LRRC63: variants seen among roughly 807,000 people sequenced by gnomAD.
LRRC63 encodes leucine-rich repeat-containing protein 63.
In LRRC63, 40 loss-of-function variants were observed where a neutral mutation model predicts 49.5. The observed-to-expected ratio is 0.81, with a 90% CI of 0.63 to 1.05. The LOEUF is 1.05. Ranked by LOEUF, LRRC63 falls within the 50% of genes least tolerant of loss-of-function variation. The pLI is 0.00. For synonymous variants in LRRC63, 191 were observed against 221.1 expected, an observed-to-expected ratio of 0.86 and a Z score of 1.21; for missense variants, 636 against 663.1, an observed-to-expected ratio of 0.96 and a Z score of 0.45.
At chr13:46,221,018 C>T (rs1049171612) in intron 2 of LRRC63, among the ~76,000 whole-genome samples, 5 of 152,168 alleles carry the variant, frequency 3.3e-5, no homozygotes, top group Non-Finnish European at 7.3e-5. Context: ...TACTCCTACG[C>T]ACCACTTATT....
Position 46,228,685 on chromosome 13 carries a change from G to A in LRRC63, c.784G>A (p.Gly262Arg), listed in dbSNP as rs571306533. The change falls in exon 4 of 10, where the codon GGA (glycine) becomes AGA (arginine). Residue 262 changes from glycine to arginine, a missense_variant. Transcript: ENST00000595396. Reference sequence around the variant, plus strand: ...TCTAGAAACTCTTGTAACAGAAAATGGAAATATAGAAAGTGTCCCAAAGCA... The same window carrying A: ...TCTAGAAACTCTTGTAACAGAAAATAGAAATATAGAAAGTGTCCCAAAGCA... 282 of 1,544,066 alleles carry A rather than the reference G, an allele frequency of 1.8e-4. 4 individuals are homozygous for A. In the South Asian group the frequency reaches 3.2e-3, roughly 18 times the overall value.
At chr13:46,212,190 T>A (rs993960087) in exon 1 of LRRC63, 8 of 152,198 alleles carry the variant, frequency 5.3e-5, no homozygotes, top group African/African-American at 1.7e-4. Flanking sequence ...GAAGGGAGAT[T>A]TCCAGCATCG....
At chr13:46,259,218 C>T (rs1329726078) in intron 7 of LRRC63, among the ~76,000 whole-genome samples, 3 of 152,072 alleles carry the variant, frequency 2.0e-5, no homozygotes, top group Admixed American at 2.0e-4. Flanking sequence ...TTTCAACTCT[C>T]TTATAAAATG....
At chr13:46,273,619 A>AAT (rs2047790201) in intron 9 of LRRC63, among the ~76,000 whole-genome samples, 1 of 150,222 alleles carries the variant, frequency 6.7e-6, no homozygotes, top group Non-Finnish European at 1.5e-5. Context: ...AAAAAAAAAA[A>AAT]AGAGTAGCGG....
chr13:46,221,491 A>T (rs2046406389), intron 2 of LRRC63, among the ~76,000 whole-genome samples: 1 of 152,238 alleles, frequency 6.6e-6, no homozygotes, highest in South Asian at 2.1e-4. Context: ...TTCAGCGAAA[A>T]CATGGTATGA....
intron 9 of LRRC63, among the ~76,000 whole-genome samples, chr13:46,271,627 A>G (rs2047759589): frequency 2.6e-5 from 4 of 152,144 alleles, no homozygotes; most frequent in African/African-American, 9.7e-5. Flanking sequence ...TCAGTCTCAC[A>G]TACTCTAGTT....
At chr13:46,259,326 G>A (rs5001900) in intron 7 of LRRC63, among the ~76,000 whole-genome samples, 34,523 of 151,962 alleles carry the variant, frequency 0.23, 4,620 homozygotes, top group East Asian at 0.35. Context: ...GAGGTGGGGT[G>A]AAGGACAGAG....
At chr13:46,240,561 A>G (rs886591769) in intron 5 of LRRC63, among the ~76,000 whole-genome samples, 1 of 152,206 alleles carries the variant, frequency 6.6e-6, no homozygotes, top group Admixed American at 6.5e-5. Context: ...TGCAAATGGC[A>G]TGATCCCATG....
chr13:46,240,902 A>G (rs1346350585), intron 5 of LRRC63, among the ~76,000 whole-genome samples: 1 of 152,256 alleles, frequency 6.6e-6, no homozygotes, highest in East Asian at 1.9e-4. Context: ...TAAAATGGCC[A>G]TACTGACGAA....
intron 7 of LRRC63, among the ~76,000 whole-genome samples, chr13:46,256,023 T>A (rs1405624974): frequency 6.6e-6 from 1 of 152,216 alleles, no homozygotes; most frequent in Non-Finnish European, 1.5e-5. Flanking sequence ...TCACCCATGT[T>A]GTATATATCA....
chr13:46,220,216 T>TCC (rs2046365018), intron 2 of LRRC63, among the ~76,000 whole-genome samples: 1 of 152,130 alleles, frequency 6.6e-6, no homozygotes, highest in African/African-American at 2.4e-5. Context: ...GGCCGCCTCT[T>TCC]CCCCCAGGTG....
intron 2 of LRRC63, among the ~76,000 whole-genome samples, chr13:46,213,720 TATTA>T (rs756993195): frequency 1.3e-4 from 20 of 152,210 alleles, no homozygotes; most frequent in Non-Finnish European, 2.4e-4. Context: ...TGTTTATATT[TATTA>T]AAGTGTCTTT....
intron 9 of LRRC63, among the ~76,000 whole-genome samples, chr13:46,275,078 C>T (rs1489507603): frequency 3.3e-5 from 5 of 152,068 alleles, no homozygotes; most frequent in African/African-American, 9.7e-5. Flanking sequence ...ACATGAGTGC[C>T]GTTCTGTGCC....
exon 3 of LRRC63, chr13:46,227,974 A>G: frequency 6.4e-7 from 1 of 1,550,952 alleles, no homozygotes; most frequent in Non-Finnish European, 8.7e-7. Context: ...CCTTTACCAG[A>G]GAGTCCAGGC....
At chr13:46,262,644 C>T (rs1167038506) in intron 8 of LRRC63, among the ~76,000 whole-genome samples, 1 of 151,914 alleles carries the variant, frequency 6.6e-6, no homozygotes, top group Non-Finnish European at 1.5e-5. Flanking sequence ...TACTCTAAAA[C>T]TTTTTTTTCA....
chr13:46,217,072 T>C lies in LRRC63; in HGVS notation c.85+3953T>C, dbSNP rs559480114. Among the ~76,000 whole-genome samples the C allele has an allele frequency of 3.3e-5, 5 of 151,840 alleles. No individual in the cohort carries two copies. In the East Asian group the frequency reaches 9.7e-4, roughly 29 times the overall value. On this transcript the variant is annotated intron_variant, in intron 2 of 9. Coordinates refer to ENST00000595396, the Ensembl canonical transcript of LRRC63. Reference sequence around the variant, plus strand: ...AGGGATATTGGCCTGAAATTTTCCTTTTTCTGTTGTGTCTCTGCCAGGTTT... The same window carrying C: ...AGGGATATTGGCCTGAAATTTTCCTCTTTCTGTTGTGTCTCTGCCAGGTTT...
At chr13:46,243,787 C>A (rs1234617) in intron 5 of LRRC63, among the ~76,000 whole-genome samples, 79,621 of 152,082 alleles carry the variant, frequency 0.52, 24,597 homozygotes, top group African/African-American at 0.85. Context: ...CTTGGTTATA[C>A]GCTTTAAAGA....
chr13:46,264,277 T>G (rs1335158935), intron 8 of LRRC63, among the ~76,000 whole-genome samples: 2 of 152,238 alleles, frequency 1.3e-5, no homozygotes, highest in Non-Finnish European at 2.9e-5. Context: ...CAGCTCAAAC[T>G]TCTCTTTTCT....
chr13:46,212,383 C>T (rs1382926521), intron 1 of LRRC63, 124 bp downstream of exon 1: 1 of 152,198 alleles, frequency 6.6e-6, no homozygotes, highest in East Asian at 1.9e-4. Flanking sequence ...TGCATCTTCT[C>T]GCATTATTTC....
Sources: allele counts gnomAD v4.1 joint callset (sites outside exome capture counted in the v4.1 genomes callset), GRCh38; gene constraint gnomAD v4.1.1; transcripts MANE v1.5; gene names NCBI Gene and HGNC (gene_info 2026-07-23, HGNC 2026-07-21).